SUPT16H: variants seen among roughly 807,000 people sequenced by gnomAD.
The protein encoded by SUPT16H is FACT complex subunit SPT16.
SUPT16H carries 24 observed loss-of-function variants against 136.2 expected under a neutral mutation model. The observed-to-expected ratio is 0.18, with a 90% CI of 0.13 to 0.25. The LOEUF is 0.25. SUPT16H is among the 10% of genes least tolerant of loss of function. The pLI, the probability that SUPT16H is intolerant of heterozygous loss-of-function variation, is 1.00. For missense variants in SUPT16H, 623 were observed against 1,270.2 expected, an observed-to-expected ratio of 0.49 and a Z score of 7.74; for synonymous variants, 415 against 428.2, an observed-to-expected ratio of 0.97 and a Z score of 0.38.
At chr14:21,382,580 C>A (rs186671694) in intron 1 of SUPT16H, among the ~76,000 whole-genome samples, 8 of 152,224 alleles carry the variant, frequency 5.3e-5, no homozygotes, top group African/African-American at 1.9e-4. Context: ...TTTATGGGTA[C>A]AAGAGAGGGC....
At chr14:21,353,184 TGAGTAGGCTAATTCTTGA>T (rs1886359450) in intron 25 of SUPT16H, among the ~76,000 whole-genome samples, 1 of 152,234 alleles carries the variant, frequency 6.6e-6, no homozygotes. Flanking sequence ...GTTTGGAAAC[TGAGTAGGCTAATTCTTGA>T]GTATTACATG....
At chr14:21,366,698 G>A (rs1886676851) in intron 7 of SUPT16H, among the ~76,000 whole-genome samples, 169 bp from the exon 8 acceptor site, 1 of 150,670 alleles carries the variant, frequency 6.6e-6, no homozygotes, top group Non-Finnish European at 1.5e-5. Context: ...CACTCAGGCT[G>A]GAGTGCAGTA....
intron 1 of SUPT16H, among the ~76,000 whole-genome samples, chr14:21,375,044 C>CG (rs1886872086): frequency 6.6e-6 from 1 of 151,864 alleles, no homozygotes; most frequent in East Asian, 1.9e-4. Context: ...GACAGAGTCT[C>CG]GCTCTATCAC....
chr14:21,366,302 ATG>A (rs1264526142), intron 8 of SUPT16H, 135 bp downstream of exon 8: 2 of 781,382 alleles, frequency 2.6e-6, no homozygotes, highest in Non-Finnish European at 4.2e-6. Context: ...TGATAACATC[ATG>A]TGCCTGGCAC....
In SUPT16H at chr14:21,360,538, G is replaced by A. The variant is rs1886529534; in HGVS notation, c.2057-5C>T. 6.2e-7 allele frequency: 1 copy of A among 1,603,988 alleles called. No homozygotes were observed. Among genetic ancestry groups the A allele is most frequent in the African/African-American group, 1.3e-5 (1 of 74,504 alleles). On this transcript the variant is annotated splice_region_variant and splice_polypyrimidine_tract_variant and intron_variant, in intron 17 of 25. Coordinates refer to ENST00000216297, the MANE Select transcript of SUPT16H (RefSeq NM_007192.4). ...GAACAGATGTGAAGCGGAAGCCTGG[G>A]GAAAAGAATGAAGAAATGTCAAGCA...
intron 6 of SUPT16H, 137 bp from the exon 7 acceptor site, chr14:21,368,578 T>C (rs1243536571): frequency 1.0e-6 from 1 of 998,344 alleles, no homozygotes; most frequent in Non-Finnish European, 1.4e-6. Context: ...ACCTAAACTT[T>C]TTTGTGTTTT....
intron 19 of SUPT16H, among the ~76,000 whole-genome samples, 191 bp from the exon 20 acceptor site, chr14:21,358,618 T>C (rs925632573): frequency 6.6e-6 from 1 of 152,222 alleles, no homozygotes; most frequent in Non-Finnish European, 1.5e-5. Context: ...AGATCATCCC[T>C]GAAGTGCTTT....
At chr14:21,364,726 C>G in intron 10 of SUPT16H, 101 bp downstream of exon 10, 1 of 971,922 alleles carries the variant, frequency 1.0e-6, no homozygotes. Flanking sequence ...GATTCTTCCC[C>G]TTAGCTAGCA....
intron 6 of SUPT16H, among the ~76,000 whole-genome samples, chr14:21,368,778 G>T (rs1200512651): frequency 6.6e-6 from 1 of 152,176 alleles, no homozygotes; most frequent in South Asian, 2.1e-4. Context: ...TCTATGAATT[G>T]TGAGTTGTAA....
chr14:21,362,355 A>G, intron 14 of SUPT16H, 31 bp from the exon 15 acceptor site: 1 of 1,594,454 alleles, frequency 6.3e-7, no homozygotes, highest in Non-Finnish European at 8.5e-7. Flanking sequence ...AAAAGTAAAC[A>G]GATTTCTTTC....
In SUPT16H at chr14:21,363,572, G is replaced by A. The variant is rs577616192; in HGVS notation, c.1234-69C>T. 5.9e-5 allele frequency: 82 copies of A among 1,383,338 alleles called. No individual in the cohort carries two copies. In the Middle Eastern group the frequency reaches 1.3e-3, roughly 21 times the overall value. 85.7% of individuals were successfully genotyped at this position (1,383,338 alleles called of 1,614,324 possible). On this transcript the variant is annotated intron_variant, in intron 10 of 25. Transcript: ENST00000216297. The stretch of plus-strand genomic sequence containing the variant: ...AATTTCATTTTCTAACCTAGTAAAC[G>A]GCTGGGCAATGCTTTGAATCTTTTG...
chr14:21,363,611 T>C (rs1461691840), intron 10 of SUPT16H, 108 bp from the exon 11 acceptor site: 3 of 895,162 alleles, frequency 3.4e-6, no homozygotes, highest in African/African-American at 3.4e-5. Flanking sequence ...ACTAAAATGT[T>C]TGACAATGAA....
At chr14:21,358,475 T>G in intron 19 of SUPT16H, 48 bp from the exon 20 acceptor site, 24 of 1,288,738 alleles carry the variant, frequency 1.9e-5, no homozygotes, top group Non-Finnish European at 2.4e-5. Context: ...TTGTTAACAG[T>G]ACCTCCCCTC....
chr14:21,357,375 G>A lies in SUPT16H; in HGVS notation c.2491-9C>T, dbSNP rs745891490. 6.4e-7 allele frequency: 1 copy of A among 1,567,196 alleles called. No homozygotes were observed. The highest frequency in any genetic ancestry group is 1.2e-5 in the South Asian group (1 of 83,464). ...GTCACCACAAAAGGTGGCTGTCAGG[G>A]AGAAACTGAATCATTAGCATATAAG... is the stretch of plus-strand genomic sequence containing the variant. On this transcript the variant is annotated splice_polypyrimidine_tract_variant and intron_variant, in intron 21 of 25. Transcript: ENST00000216297.
At chr14:21,367,328 A>G (rs1178162692) in intron 7 of SUPT16H, among the ~76,000 whole-genome samples, 1 of 152,218 alleles carries the variant, frequency 6.6e-6, no homozygotes, top group Non-Finnish European at 1.5e-5. Flanking sequence ...GTATCACATT[A>G]AAGTTATTAT....
intron 19 of SUPT16H, among the ~76,000 whole-genome samples, chr14:21,358,886 C>T (rs935683355): frequency 5.9e-5 from 9 of 151,900 alleles, no homozygotes; most frequent in African/African-American, 1.9e-4. Context: ...TGGCCCACAA[C>T]CTCTGCCTCC....
chr14:21,369,480 G>T (rs753456065), intron 5 of SUPT16H, 125 bp from the exon 6 acceptor site: 3 of 1,298,272 alleles, frequency 2.3e-6, no homozygotes, highest in East Asian at 2.3e-5. Flanking sequence ...TATGCGCCAG[G>T]TAATATATTG....
In SUPT16H at chr14:21,352,724, A is replaced by G; in HGVS notation, c.3093T>C (p.Ser1031=). The G allele has an allele frequency of 6.2e-7, 1 of 1,614,194 alleles. No individual in the cohort carries two copies. Among genetic ancestry groups the G allele is most frequent in the Non-Finnish European group, 8.5e-7 (1 of 1,180,022 alleles). ...CAGAGCTGTGTCTGGAACCACGGTT[A>G]GAGCCACGGCCCGAACTGTGCACAG... The part of the protein sequence containing the change: ...KASVHSSGRG[S]NRGSRHSSAP... Residue 1031 remains serine (S), a synonymous_variant, in exon 26 of 26, where the codon TCT becomes TCC. Transcript: ENST00000216297.
intron 22 of SUPT16H, 52 bp downstream of exon 22, chr14:21,357,145 T>C (rs373023024): frequency 8.9e-6 from 13 of 1,467,438 alleles, no homozygotes; most frequent in Non-Finnish European, 1.1e-5. Context: ...ATTCAAATTC[T>C]ATAAAACAGG....
Sources: allele counts gnomAD v4.1 joint callset (sites outside exome capture counted in the v4.1 genomes callset), GRCh38; gene constraint gnomAD v4.1.1; transcripts MANE v1.5; gene names NCBI Gene and HGNC (gene_info 2026-07-23, HGNC 2026-07-21).